Variants in FRMD6 observed in about 807,000 individuals in gnomAD.
FRMD6 encodes FERM domain containing 6.
A neutral mutation model predicts 73.2 loss-of-function variants in FRMD6; 37 were observed. That is an observed-to-expected ratio of 0.51 (90% CI 0.39 to 0.66). The LOEUF (loss-of-function observed/expected upper bound fraction) is 0.66. Among genes scored for constraint, FRMD6 ranks in the 30% least tolerant of loss-of-function variants. The pLI is 0.00. For missense variants in FRMD6, 714 were observed against 780.5 expected, an observed-to-expected ratio of 0.91 and a Z score of 1.02; for synonymous variants, 273 against 282.2, an observed-to-expected ratio of 0.97 and a Z score of 0.33.
At chr14:51,611,348 A>T (rs539907244) in intron 2 of FRMD6, among the ~76,000 whole-genome samples, 1 of 152,354 alleles carries the variant, frequency 6.6e-6, no homozygotes, top group Admixed American at 6.5e-5. Context: ...CATAAACATC[A>T]TCTAATCAGT....
At chr14:51,638,111 T>C (rs534696648) in intron 2 of FRMD6, among the ~76,000 whole-genome samples, 1 of 152,076 alleles carries the variant, frequency 6.6e-6, no homozygotes, top group South Asian at 2.1e-4. Flanking sequence ...CAGTGAACCC[T>C]TGTGTCTACA....
intron 2 of FRMD6, among the ~76,000 whole-genome samples, chr14:51,697,691 C>A (rs1158490225): frequency 6.6e-6 from 1 of 151,968 alleles, no homozygotes; most frequent in Non-Finnish European, 1.5e-5. Context: ...CTGATTTATT[C>A]ATTCCACAGT....
chr14:51,568,033 T>C (rs776581994), intron 1 of FRMD6, among the ~76,000 whole-genome samples: 5 of 152,270 alleles, frequency 3.3e-5, no homozygotes, highest in African/African-American at 4.8e-5. Context: ...AGTTAACATC[T>C]GTAGGCATCT....
At chr14:51,718,785 G>A (rs1274052464) in intron 10 of FRMD6, among the ~76,000 whole-genome samples, 1 of 152,168 alleles carries the variant, frequency 6.6e-6, no homozygotes, top group East Asian at 1.9e-4. Context: ...CTGGAACCTG[G>A]AAATGTGCAC....
In FRMD6 at chr14:51,627,011, A is replaced by C. The variant is rs531865211; in HGVS notation, c.-147+56601A>C. Among the ~76,000 whole-genome samples the C allele has an allele frequency of 2.0e-5, 3 of 152,322 alleles. No homozygotes were observed. In the East Asian group the frequency reaches 5.8e-4, roughly 29 times the overall value. ...TTAAGGAGGTTTTAAAACTACTTTC[A>C]CTTTTAAAATGTACCACATGCCTAA... is the stretch of plus-strand genomic sequence containing the variant. On this transcript the variant is annotated intron_variant, in intron 2 of 14. Transcript: ENST00000356218.
intron 1 of FRMD6, among the ~76,000 whole-genome samples, chr14:51,680,397 T>C (rs931810826): frequency 6.6e-6 from 1 of 152,222 alleles, no homozygotes; most frequent in Non-Finnish European, 1.5e-5. Context: ...CTGTACAGTT[T>C]AGCATTTAAT....
At chr14:51,641,143 GTATT>G (rs879942813) in intron 2 of FRMD6, among the ~76,000 whole-genome samples, 1 of 151,768 alleles carries the variant, frequency 6.6e-6, no homozygotes, top group African/African-American at 2.4e-5. Flanking sequence ...CTAATTTTTT[GTATT>G]TATTTATTTA....
intron 1 of FRMD6, among the ~76,000 whole-genome samples, chr14:51,523,637 A>G (rs969127243): frequency 5.3e-5 from 8 of 152,258 alleles, no homozygotes; most frequent in Middle Eastern, 3.4e-3. Context: ...GTGATGTAGA[A>G]TAGGATGGTG....
chr14:51,636,772 C>A (rs1333657441), intron 2 of FRMD6, among the ~76,000 whole-genome samples: 1 of 152,014 alleles, frequency 6.6e-6, no homozygotes, highest in Non-Finnish European at 1.5e-5. Context: ...GTTTATAGGT[C>A]CCCATTAAGC....
chr14:51,726,026 C>T (rs1254306564), intron 13 of FRMD6, among the ~76,000 whole-genome samples, 156 bp downstream of exon 13: 1 of 152,002 alleles, frequency 6.6e-6, no homozygotes, highest in East Asian at 1.9e-4. Flanking sequence ...AATTTATTTC[C>T]ATCTTATTTG....
intron 10 of FRMD6, among the ~76,000 whole-genome samples, chr14:51,715,769 C>T (rs1488839627): frequency 6.6e-6 from 1 of 152,188 alleles, no homozygotes; most frequent in Non-Finnish European, 1.5e-5. Context: ...CCATGCCTGA[C>T]TTGAAAATAC....
chr14:51,598,752 A>G (rs1889855724), intron 2 of FRMD6, among the ~76,000 whole-genome samples: 1 of 152,194 alleles, frequency 6.6e-6, no homozygotes, highest in Non-Finnish European at 1.5e-5. Context: ...GCTGTGTAGT[A>G]TTCCATGGTG....
At chr14:51,622,763 G>A (rs1890970497) in intron 2 of FRMD6, among the ~76,000 whole-genome samples, 1 of 152,096 alleles carries the variant, frequency 6.6e-6, no homozygotes, top group Non-Finnish European at 1.5e-5. Flanking sequence ...GACGCATTGT[G>A]TGGCTTTGTT....
chr14:51,559,001 A>G (rs567890837), intron 1 of FRMD6, among the ~76,000 whole-genome samples: 6 of 152,358 alleles, frequency 3.9e-5, no homozygotes, highest in African/African-American at 1.4e-4. Context: ...CAAGGCCTTG[A>G]GGAGCTACTT....
chr14:51,668,258 T>TTA (rs1236183494), intron 1 of FRMD6, among the ~76,000 whole-genome samples: 6 of 152,170 alleles, frequency 3.9e-5, no homozygotes, highest in Admixed American at 3.9e-4. Context: ...TGATTACATA[T>TTA]TATACATTTA....
intron 1 of FRMD6, among the ~76,000 whole-genome samples, chr14:51,554,037 T>A (rs1165379917): frequency 6.6e-6 from 1 of 151,622 alleles, no homozygotes; most frequent in Non-Finnish European, 1.5e-5. Flanking sequence ...AGCAAAAAAA[T>A]ATACAAGATG....
intron 1 of FRMD6, among the ~76,000 whole-genome samples, chr14:51,654,304 TTG>T (rs1491432922): frequency 1.7e-4 from 11 of 64,834 alleles, no homozygotes; most frequent in African/African-American, 4.6e-4. Context: ...GTTAGCTGAA[TTG>T]GGGGGGGGGT....
chr14:51,590,746 G>T (rs1454478277), intron 2 of FRMD6, among the ~76,000 whole-genome samples: 1 of 152,214 alleles, frequency 6.6e-6, no homozygotes, highest in African/African-American at 2.4e-5. Context: ...CAAGGAAAAT[G>T]GAGATGTCTC....
the FRMD6 span, among the ~76,000 whole-genome samples, chr14:51,425,730 C>G: frequency 1.3e-5 from 2 of 152,184 alleles, no homozygotes; most frequent in African/African-American, 2.4e-5. Context: ...TAACCTACCC[C>G]AGACCACCCT....
Sources: gnomAD v4.1 joint callset for allele counts (sites outside exome capture counted in the v4.1 genomes callset) on GRCh38, gnomAD v4.1.1 for gene constraint, MANE v1.5 for transcripts, NCBI Gene and HGNC (gene_info 2026-07-23, HGNC 2026-07-21) for gene names.